ZFR2: variants seen among roughly 807,000 people sequenced by gnomAD.
ZFR2 encodes the protein zinc finger RNA-binding protein 2.
A neutral mutation model predicts 105.7 loss-of-function variants in ZFR2; 104 were observed. The observed-to-expected ratio is 0.98, with a 90% confidence interval of 0.84 to 1.16. The LOEUF (loss-of-function observed/expected upper bound fraction) is 1.16. ZFR2 is among the 50% of genes most tolerant of loss of function. The pLI is 0.00. For synonymous variants in ZFR2, 634 were observed against 597.7 expected (o/e 1.06, Z -0.89); for missense variants, 1,425 against 1,355.5 (o/e 1.05, Z -0.80).
Position 3,810,822 on chromosome 19 carries a change from T to C in ZFR2, c.2361A>G (p.Pro787=). The part of the protein sequence containing the change: ...WFQARASGLQ[P]CVIVIRVLRD... ...TCAGGACCCTGATGACGATCACGCATGGCTGCAGGCCGCTGGCTCGAGCCT... is the reference window on the plus strand; with the variant it reads ...TCAGGACCCTGATGACGATCACGCACGGCTGCAGGCCGCTGGCTCGAGCCT... Residue 787 remains proline (P), a synonymous_variant, in exon 16 of 19, where the codon CCA becomes CCG. Transcript: ENST00000262961. 3 of 1,550,392 alleles carry C rather than the reference T, an allele frequency of 1.9e-6. No individual in the cohort carries two copies. The highest frequency in any genetic ancestry group is 4.9e-5 in the East Asian group (2 of 40,914).
At chr19:3,867,915 G>A (rs911065350) in intron 1 of ZFR2, among the ~76,000 whole-genome samples, 1 of 151,588 alleles carries the variant, frequency 6.6e-6, no homozygotes, top group Non-Finnish European at 1.5e-5. Context: ...TGCCTGCTAG[G>A]TACCCTCCCA....
chr19:3,844,554 G>C (rs2038169513), intron 1 of ZFR2, among the ~76,000 whole-genome samples: 1 of 152,094 alleles, frequency 6.6e-6, no homozygotes, highest in Admixed American at 6.6e-5. Context: ...TTTTGGTAGA[G>C]ACGGGGTTTC....
In ZFR2 at chr19:3,807,054, T is replaced by C. The variant is rs2037704295; in HGVS notation, c.2643+118A>G. 27 of 763,894 alleles carry C rather than the reference T, an allele frequency of 3.5e-5. No individual in the cohort carries two copies. The South Asian group carries it at 4.7e-4, about 13-fold the overall frequency. 47.3% of individuals were successfully genotyped at this position (763,894 alleles called of 1,614,324 possible). On this transcript the variant is annotated intron_variant, in intron 18 of 18. Coordinates refer to ENST00000262961, the MANE Select transcript of ZFR2 (RefSeq NM_015174.2). ...CACCCACGGGCCGCCCTCCTGTTCC[T>C]GTACATCTCAGTGGGAGGGAGAGAA... is the stretch of plus-strand genomic sequence containing the variant.
At chr19:3,820,139 T>C (rs1282594591) in intron 11 of ZFR2, 43 bp downstream of exon 11, 4 of 1,537,540 alleles carry the variant, frequency 2.6e-6, no homozygotes, top group African/African-American at 2.8e-5. Context: ...CTCCGGGGAG[T>C]GTGAGGTCGC....
rs927509641 is a variant in ZFR2, at chr19:3,807,189, C to T, written c.2626G>A (p.Val876Met). The T allele has an allele frequency of 4.5e-6, 7 of 1,555,874 alleles. No homozygotes were observed. Among genetic ancestry groups the T allele is most frequent in the Non-Finnish European group, 6.1e-6 (7 of 1,149,226 alleles). Residue 876 changes from valine to methionine, a missense_variant, in exon 18 of 19, where the codon GTG (valine) becomes ATG (methionine). Val to Met is a conservative substitution (Grantham distance 21). Coordinates refer to ENST00000262961, the MANE Select transcript of ZFR2 (RefSeq NM_015174.2). ...CCTCCTACCTGGGCGCTGGCGGTCACGTCTTCCCGCTCTTGGAGGGTCATG... is the reference window on the plus strand; with the variant it reads ...CCTCCTACCTGGGCGCTGGCGGTCATGTCTTCCCGCTCTTGGAGGGTCATG... ...EPMTLQERED[V>M]TASAQHALRM...
intron 17 of ZFR2, among the ~76,000 whole-genome samples, chr19:3,808,375 C>T (rs1362731337): frequency 6.6e-6 from 1 of 152,264 alleles, no homozygotes. Context: ...GACTCGAAAA[C>T]ACCCTTTTCC....
chr19:3,815,496 T>C (rs1363969912), intron 13 of ZFR2, among the ~76,000 whole-genome samples: 1 of 152,244 alleles, frequency 6.6e-6, no homozygotes, highest in Non-Finnish European at 1.5e-5. Flanking sequence ...TTCACAGCCC[T>C]AAAATTGAAA....
intron 1 of ZFR2, among the ~76,000 whole-genome samples, chr19:3,836,007 A>T (rs905179922): frequency 1.3e-5 from 2 of 152,076 alleles, no homozygotes; most frequent in African/African-American, 4.8e-5. Context: ...GCAAGGGTTG[A>T]GTTCCAGGAC....
rs760835451 is a variant in ZFR2, at chr19:3,858,252, G to C, written c.53+10713C>G. Among the ~76,000 whole-genome samples, 1 of 152,116 alleles carries C rather than the reference G, an allele frequency of 6.6e-6. No homozygotes were observed. The highest frequency in any genetic ancestry group is 2.1e-4 in the South Asian group (1 of 4,824). On this transcript the variant is annotated intron_variant, in intron 1 of 18. Transcript: ENST00000262961. The surrounding 1 kb of genome is among the most constrained non-coding windows in gnomAD (Gnocchi z 4.3). Reference sequence around the variant, plus strand: ...ATGCTCTTGCTTGCTCCGAAGAGACGGAGCAGGCTTAGGTGTGGTCCACAC... The same window carrying C: ...ATGCTCTTGCTTGCTCCGAAGAGACCGAGCAGGCTTAGGTGTGGTCCACAC...
In ZFR2 at chr19:3,822,169, A is replaced by G; in HGVS notation, c.1403T>C (p.Phe468Ser). The stretch of plus-strand genomic sequence containing the variant: ...ACTGCACTCGCACAGCTTGCAGTGG[A>G]AGCGAAGCACTCGCCCTTCGTCGCT... ...VFSDEGRVLR[F>S]HCKLCECSFN... is the part of the protein sequence containing the mutation. Residue 468 changes from phenylalanine (F) to serine (S), a missense_variant, in exon 9 of 19, where the codon TTC (phenylalanine) becomes TCC (serine). Physicochemically the swap from Phe to Ser is radical, Grantham distance 155 (BLOSUM62 -2). Coordinates refer to ENST00000262961, the MANE Select transcript of ZFR2 (RefSeq NM_015174.2). 1.2e-6 allele frequency: 2 copies of G among 1,606,262 alleles called. No individual in the cohort carries two copies. The highest frequency in any genetic ancestry group is 1.7e-6 in the Non-Finnish European group (2 of 1,176,824).
rs147681531 is a variant in ZFR2 at position 3,813,067 on chromosome 19, G to T, written c.2242+753C>A. Among the ~76,000 whole-genome samples, 1 of 152,166 alleles carries T rather than the reference G, an allele frequency of 6.6e-6. No individual in the cohort carries two copies. Among genetic ancestry groups the T allele is most frequent in the Admixed American group, 6.5e-5 (1 of 15,270 alleles). ...TGCACTCCAGCCTGGGCAACAGAGC[G>T]AGACTCTGTCTCAAAAAACAAACAA... On this transcript the variant is annotated intron_variant, in intron 14 of 18. Coordinates refer to ENST00000262961, the MANE Select transcript of ZFR2 (RefSeq NM_015174.2). This position sits in a 1 kb window ranked among gnomAD's most constrained non-coding sequence, Gnocchi z 4.4.
chr19:3,811,153 T>C (rs1171371716), intron 15 of ZFR2, 119 bp downstream of exon 15: 4 of 1,012,874 alleles, frequency 3.9e-6, no homozygotes, highest in South Asian at 1.7e-5. Context: ...ATGGCAGGCG[T>C]CCCGGTCTGC....
intron 1 of ZFR2, among the ~76,000 whole-genome samples, chr19:3,842,137 T>C (rs1421520840): frequency 6.6e-6 from 1 of 151,878 alleles, no homozygotes; most frequent in Non-Finnish European, 1.5e-5. Context: ...CTCAACCTCC[T>C]GAGTAGCTGG....
rs1210042432 is a variant in ZFR2, at chr19:3,838,151, G to A, written c.54-3168C>T. On this transcript the variant is annotated intron_variant, in intron 1 of 18. Transcript: ENST00000262961. This position sits in a 1 kb window ranked among gnomAD's most constrained non-coding sequence, Gnocchi z 4.9. ...GTGACTGTGACACACAATGAACACC[G>A]TGACTGTGACACTCGATGAACACCA... Among the ~76,000 whole-genome samples the A allele has an allele frequency of 3.3e-5, 5 of 150,494 alleles. No individual in the cohort carries two copies. Among genetic ancestry groups the A allele is most frequent in the African/African-American group, 4.9e-5 (2 of 40,772 alleles).
intron 1 of ZFR2, among the ~76,000 whole-genome samples, chr19:3,842,336 G>A (rs1178984714): frequency 1.3e-5 from 2 of 152,066 alleles, no homozygotes; most frequent in Admixed American, 6.6e-5. Flanking sequence ...CCATAGCAAC[G>A]AGAGACCCTG....
rs533978890 is a variant in ZFR2, at chr19:3,840,916, G to A, written c.54-5933C>T. Among the ~76,000 whole-genome samples, 5 of 152,288 alleles carry A rather than the reference G, an allele frequency of 3.3e-5. No homozygotes were observed. The South Asian group carries it at 8.3e-4, about 25-fold the overall frequency. On this transcript the variant is annotated intron_variant, in intron 1 of 18. Coordinates refer to ENST00000262961, the MANE Select transcript of ZFR2 (RefSeq NM_015174.2). ...AGTTAATTTAGATTTTGATGGCCATGCATGGCTGGTGGTGACCGGGGGCCA... is the reference window on the plus strand; with the variant it reads ...AGTTAATTTAGATTTTGATGGCCATACATGGCTGGTGGTGACCGGGGGCCA...
chr19:3,832,819 G>A (rs1459922417), intron 3 of ZFR2, among the ~76,000 whole-genome samples: 2 of 151,218 alleles, frequency 1.3e-5, no homozygotes, highest in African/African-American at 2.4e-5. Context: ...TGCATTTTTT[G>A]TAGAGACGGG....
intron 1 of ZFR2, among the ~76,000 whole-genome samples, chr19:3,854,664 A>G (rs2038277871): frequency 6.6e-6 from 1 of 152,174 alleles, no homozygotes; most frequent in Admixed American, 6.6e-5. Flanking sequence ...GTGCCCGTAA[A>G]CTCTGCAATA....
In ZFR2 at chr19:3,833,722, G is replaced by A. The variant is rs1402894389; in HGVS notation, c.321C>T (p.Tyr107=). Residue 107 remains tyrosine, a synonymous_variant, in exon 3 of 19, where the codon TAC becomes TAT. Transcript: ENST00000262961. ...AAARSYEDRP[Y]FQSAALQSGR... The stretch of plus-strand genomic sequence containing the variant: ...CAGACTGGAGGGCAGCAGACTGGAA[G>A]TACGGCCTGTCCTCATAGCTCCTGG... The A allele has an allele frequency of 2.5e-6, 4 of 1,582,228 alleles. No individual in the cohort carries two copies. The highest frequency in any genetic ancestry group is 3.4e-6 in the Non-Finnish European group (4 of 1,163,974).
Sources: gnomAD v4.1 joint callset for allele counts (sites outside exome capture counted in the v4.1 genomes callset) on GRCh38, gnomAD v4.1.1 for gene constraint, Gnocchi (gnomAD v3.1) non-coding constraint, MANE v1.5 for transcripts, NCBI Gene and HGNC (gene_info 2026-07-23, HGNC 2026-07-21) for gene names.